The following THADA variants were observed in gnomAD, a reference collection of about 807,000 sequenced individuals.
THADA encodes the protein THADA armadillo repeat containing.
THADA carries 213 observed loss-of-function variants against 219.8 expected under a neutral mutation model. That is an observed-to-expected ratio of 0.97 (90% CI 0.87 to 1.09). The LOEUF (loss-of-function observed/expected upper bound fraction) is 1.09. Ranked by LOEUF, THADA falls within the 50% of genes least tolerant of loss-of-function variation. The pLI, the probability that THADA is intolerant of heterozygous loss-of-function variation, is 0.00. For synonymous variants in THADA, 1,018 were observed against 828.9 expected (o/e 1.23, Z -3.92); for missense variants, 2,956 against 2,311.3 (o/e 1.28, Z -5.72).
At chr2:43,428,037 G>A in intron 28 of THADA, 63 bp downstream of exon 28, 1 of 1,219,786 alleles carries the variant, frequency 8.2e-7, no homozygotes, top group South Asian at 1.8e-5. Context: ...ATAAGAAGAA[G>A]ATAAAATATT....
intron 21 of THADA, among the ~76,000 whole-genome samples, chr2:43,534,996 T>C (rs1050527793): frequency 1.3e-5 from 2 of 152,122 alleles, no homozygotes; most frequent in African/African-American, 4.8e-5. Context: ...TCCACATTCC[T>C]GCCATCATTT....
intron 30 of THADA, among the ~76,000 whole-genome samples, chr2:43,334,531 T>C (rs1247703765): frequency 6.6e-6 from 1 of 152,184 alleles, no homozygotes; most frequent in African/African-American, 2.4e-5. Flanking sequence ...TGGTCTTGTA[T>C]TTCTGAGAGC....
chr2:43,254,876 C>T (rs759446449), intron 36 of THADA, among the ~76,000 whole-genome samples: 2 of 152,192 alleles, frequency 1.3e-5, no homozygotes, highest in African/African-American at 2.4e-5. Flanking sequence ...TCGGTCCCCC[C>T]ACTGGTCTAC....
rs978927372 is a variant in THADA at position 43,595,963 on chromosome 2, G to A, written c.-57C>T. On this transcript the variant is annotated 5_prime_UTR_variant, in exon 1 of 38. Transcript: ENST00000405975. ...ACGTCGGCGTCTGAGAAGAGTCGCA[G>A]GCGCCTGGTCCAGTCCCGGAAGCAG... 1 of 152,334 alleles carries A rather than the reference G, an allele frequency of 6.6e-6. No individual in the cohort carries two copies. The highest frequency in any genetic ancestry group is 1.5e-5 in the Non-Finnish European group (1 of 68,054). 9.4% of individuals were successfully genotyped at this position (152,334 alleles called of 1,614,324 possible).
At chr2:43,384,424 T>C (rs1672397649) in intron 29 of THADA, among the ~76,000 whole-genome samples, 1 of 152,140 alleles carries the variant, frequency 6.6e-6, no homozygotes, top group Non-Finnish European at 1.5e-5. Flanking sequence ...CCTTTTGAGT[T>C]GGTGGGTGTG....
intron 29 of THADA, among the ~76,000 whole-genome samples, chr2:43,352,846 G>A (rs190098236): frequency 1.4e-3 from 218 of 152,162 alleles, no homozygotes; most frequent in Admixed American, 3.9e-3. Context: ...TGTTCATCCC[G>A]CGTAATTGCT....
intron 29 of THADA, among the ~76,000 whole-genome samples, chr2:43,364,823 A>T (rs1669940630): frequency 6.6e-6 from 1 of 152,220 alleles, no homozygotes; most frequent in Non-Finnish European, 1.5e-5. Flanking sequence ...GGAAAGCAGC[A>T]TGAGATGAGG....
intron 31 of THADA, among the ~76,000 whole-genome samples, chr2:43,312,485 TG>T (rs1365217234): frequency 6.6e-6 from 1 of 152,166 alleles, no homozygotes; most frequent in Non-Finnish European, 1.5e-5. Context: ...TAAAGAATTG[TG>T]GGCCTCTGTA....
chr2:43,344,260 A>T (rs1207867723), intron 29 of THADA, 23 bp from the exon 30 acceptor site: 6 of 1,512,574 alleles, frequency 4.0e-6, no homozygotes, highest in African/African-American at 1.4e-5. Context: ...AGAAAAAAAA[A>T]TCCTGCTGTG....
chr2:43,525,122 T>A (rs1170687396), intron 22 of THADA, among the ~76,000 whole-genome samples: 1 of 152,166 alleles, frequency 6.6e-6, no homozygotes, highest in African/African-American at 2.4e-5. Context: ...CAAAAAAACT[T>A]ACTCATCTTT....
At chr2:43,560,743 T>A (rs1240894650) in intron 15 of THADA, among the ~76,000 whole-genome samples, 1 of 151,980 alleles carries the variant, frequency 6.6e-6, no homozygotes, top group East Asian at 1.9e-4. Flanking sequence ...CTGGCCAGGC[T>A]CAGCGGCTCA....
chr2:43,527,537 G>A (rs1050612300), intron 22 of THADA, among the ~76,000 whole-genome samples: 4 of 151,652 alleles, frequency 2.6e-5, no homozygotes, highest in Non-Finnish European at 5.9e-5. Context: ...AAAATTGCAA[G>A]GCCTGTTTTA....
chr2:43,439,624 G>T (rs577465875), intron 26 of THADA, among the ~76,000 whole-genome samples: 2 of 152,234 alleles, frequency 1.3e-5, no homozygotes, highest in African/African-American at 2.4e-5. Context: ...TGTTATAGTT[G>T]TTCTATTTTA....
At chr2:43,451,904 C>T (rs1465396129) in intron 26 of THADA, among the ~76,000 whole-genome samples, 6 of 152,050 alleles carry the variant, frequency 3.9e-5, no homozygotes, top group Admixed American at 3.9e-4. Context: ...GTCAGGGGTT[C>T]AAGACCCGCC....
chr2:43,572,607 T>C (rs1194513236), intron 12 of THADA, among the ~76,000 whole-genome samples: 1 of 152,218 alleles, frequency 6.6e-6, no homozygotes. Flanking sequence ...AGTTGTTTTA[T>C]GTAAGTTTTC....
At chr2:43,264,730 C>T (rs568932601) in intron 36 of THADA, among the ~76,000 whole-genome samples, 19 of 152,080 alleles carry the variant, frequency 1.2e-4, no homozygotes, top group African/African-American at 4.3e-4. Context: ...AAGGGAGGAG[C>T]CTGGGGGAAA....
At chr2:43,235,096 C>T (rs1029042898) in intron 36 of THADA, among the ~76,000 whole-genome samples, 10 of 151,818 alleles carry the variant, frequency 6.6e-5, no homozygotes, top group Non-Finnish European at 4.4e-5. Context: ...TCTCCTGCCT[C>T]GGCCTCCTGA....
intron 21 of THADA, among the ~76,000 whole-genome samples, chr2:43,540,107 T>C (rs768288827): frequency 1.3e-5 from 2 of 152,222 alleles, no homozygotes; most frequent in Non-Finnish European, 2.9e-5. Context: ...TGAACATCAG[T>C]GAAGTAATCA....
intron 26 of THADA, among the ~76,000 whole-genome samples, chr2:43,469,582 C>G (rs1400977660): frequency 2.6e-5 from 4 of 152,084 alleles, no homozygotes; most frequent in Non-Finnish European, 5.9e-5. Flanking sequence ...CTGATATAAT[C>G]TTATTTTTTA....
Sources: gnomAD v4.1 joint callset for allele counts (sites outside exome capture counted in the v4.1 genomes callset) on GRCh38, gnomAD v4.1.1 for gene constraint, MANE v1.5 for transcripts, NCBI Gene and HGNC (gene_info 2026-07-23, HGNC 2026-07-21) for gene names.